The following RNF2 variants were observed in gnomAD, a reference collection of about 807,000 sequenced individuals.
RNF2 encodes the protein ring finger protein 2.
RNF2 carries 6 observed loss-of-function variants against 37.2 expected under a neutral mutation model. That is an observed-to-expected ratio of 0.16 (90% confidence interval 0.09 to 0.32). RNF2 has a LOEUF of 0.32. RNF2 is among the 10% of genes least tolerant of loss of function. The pLI is 1.00. For missense variants in RNF2, 251 were observed against 404.0 expected (o/e 0.62, Z 3.25); for synonymous variants, 133 against 132.7 (o/e 1.00, Z -0.02).
In RNF2 at chr1:185,098,317, T is replaced by C. The variant is rs139147020; in HGVS notation, c.710T>C (p.Met237Thr). 3.7e-5 allele frequency: 60 copies of C among 1,614,162 alleles called. No homozygotes were observed. The highest frequency in any genetic ancestry group is 8.3e-5 in the Admixed American group (5 of 60,028). Residue 237 changes from methionine (M) to threonine (T), a missense_variant, in exon 5 of 7, where the codon ATG (methionine) becomes ACG (threonine). This residue lies in a region of RNF2 where 94 missense variants were observed against 99.2 expected (regional missense o/e 0.95). Coordinates refer to ENST00000367510, the MANE Select transcript of RNF2 (RefSeq NM_007212.4). ...GTATTCAGGCCTCATCCCACACTTA[T>C]GGAAAAAGATGACAGTGCACAGACG... ...ELVFRPHPTL[M>T]EKDDSAQTRY...
At chr1:185,076,458 T>G (rs1651168020) in intron 1 of RNF2, among the ~76,000 whole-genome samples, 1 of 150,952 alleles carries the variant, frequency 6.6e-6, no homozygotes, top group African/African-American at 2.4e-5. Context: ...GCCTGGCTAA[T>G]TTTTTGTATT....
At chr1:185,052,016 A>G (rs182693688) in intron 1 of RNF2, among the ~76,000 whole-genome samples, 4 of 151,806 alleles carry the variant, frequency 2.6e-5, no homozygotes, top group South Asian at 2.1e-4. Context: ...GGAACATTCT[A>G]TTACCCAGGA....
chr1:185,050,689 T>C (rs1453354471), intron 1 of RNF2, among the ~76,000 whole-genome samples: 4 of 152,244 alleles, frequency 2.6e-5, no homozygotes, highest in African/African-American at 9.6e-5. Flanking sequence ...AAAGTGTTAC[T>C]TGATTTTACA....
chr1:185,091,790 GCTTTC>G, intron 3 of RNF2, 51 bp downstream of exon 3: 1 of 1,462,498 alleles, frequency 6.8e-7, no homozygotes, highest in Non-Finnish European at 9.3e-7. Context: ...CCACGAAAGT[GCTTTC>G]CAGGGTTTGA....
chr1:185,084,931 GA>G (rs1490484123), intron 1 of RNF2, among the ~76,000 whole-genome samples: 1 of 152,052 alleles, frequency 6.6e-6, no homozygotes, highest in Non-Finnish European at 1.5e-5. Context: ...CAGAGTACAG[GA>G]ATGAGGGACA....
At chr1:185,070,654 T>C (rs966623332) in intron 1 of RNF2, among the ~76,000 whole-genome samples, 1 of 150,802 alleles carries the variant, frequency 6.6e-6, no homozygotes, top group Non-Finnish European at 1.5e-5. Flanking sequence ...TTTTTTTTTT[T>C]TTGAGACCGA....
chr1:185,045,837 G>T (rs1650097754), intron 1 of RNF2, among the ~76,000 whole-genome samples, 188 bp downstream of exon 1: 1 of 152,176 alleles, frequency 6.6e-6, no homozygotes, highest in South Asian at 2.1e-4. Flanking sequence ...GGCGGGTGAA[G>T]CGGGTTCTCA....
chr1:185,053,995 T>TC (rs575062194), intron 1 of RNF2, among the ~76,000 whole-genome samples: 166 of 151,398 alleles, frequency 1.1e-3, no homozygotes, highest in African/African-American at 3.1e-3. Context: ...TAATCTACAT[T>TC]CCCCCCCCAC....
intron 5 of RNF2, among the ~76,000 whole-genome samples, chr1:185,098,953 T>C (rs1651994244): frequency 6.6e-6 from 1 of 151,856 alleles, no homozygotes; most frequent in African/African-American, 2.4e-5. Context: ...GGTTTCACCA[T>C]GTTGGCCAGG....
chr1:185,087,784 T>G, intron 2 of RNF2, 144 bp downstream of exon 2: 1 of 653,432 alleles, frequency 1.5e-6, no homozygotes, highest in South Asian at 1.9e-5. Context: ...GCTAACACTT[T>G]ATTCATTGAT....
intron 1 of RNF2, among the ~76,000 whole-genome samples, chr1:185,061,440 A>C (rs888163821): frequency 5.9e-5 from 9 of 152,082 alleles, no homozygotes; most frequent in African/African-American, 1.9e-4. Context: ...AACAAAAAAA[A>C]ACACACAAGA....
At chr1:185,065,742 G>A (rs1015034506) in intron 1 of RNF2, among the ~76,000 whole-genome samples, 6 of 152,176 alleles carry the variant, frequency 3.9e-5, no homozygotes, top group African/African-American at 1.2e-4. Context: ...GAAGTTCTGC[G>A]GCTTCGTTCT....
In RNF2 at chr1:185,093,286, A is replaced by G. The variant is rs1309515333; in HGVS notation, c.464+10A>G. ...TACAGGCCATGAACAGGTATATGGG[A>G]AAGAGGGTCAGAGAGGGTAGCTGTT... is the stretch of plus-strand genomic sequence containing the variant. On this transcript the variant is annotated intron_variant, in intron 4 of 6. Coordinates refer to ENST00000367510, the MANE Select transcript of RNF2 (RefSeq NM_007212.4). The G allele has an allele frequency of 6.2e-7, 1 of 1,610,724 alleles. No homozygotes were observed. Among genetic ancestry groups the G allele is most frequent in the Non-Finnish European group, 8.5e-7 (1 of 1,177,548 alleles).
chr1:185,052,989 T>C (rs1650313837), intron 1 of RNF2, among the ~76,000 whole-genome samples: 1 of 152,066 alleles, frequency 6.6e-6, no homozygotes, highest in Non-Finnish European at 1.5e-5. Context: ...CTCTAAGAGG[T>C]GGTATGACAT....
At chr1:185,084,983 C>T (rs1007257272) in intron 1 of RNF2, among the ~76,000 whole-genome samples, 1 of 152,048 alleles carries the variant, frequency 6.6e-6, no homozygotes, top group African/African-American at 2.4e-5. Context: ...TTTTTGCCCA[C>T]ATCGTCTGCT....
intron 1 of RNF2, among the ~76,000 whole-genome samples, chr1:185,068,045 C>T (rs1487405306): frequency 2.6e-5 from 4 of 151,828 alleles, no homozygotes; most frequent in African/African-American, 7.3e-5. Flanking sequence ...GCACTGTTGC[C>T]CACGCTGGAG....
chr1:185,082,657 C>T (rs1488207959), intron 1 of RNF2, among the ~76,000 whole-genome samples: 1 of 152,086 alleles, frequency 6.6e-6, no homozygotes, highest in Non-Finnish European at 1.5e-5. Context: ...ACCCAGCCTG[C>T]AGAACTTCTT....
intron 1 of RNF2, among the ~76,000 whole-genome samples, chr1:185,087,156 C>G (rs924644643): frequency 2.2e-4 from 34 of 152,160 alleles, no homozygotes; most frequent in African/African-American, 7.9e-4. Context: ...GATTTACTTC[C>G]TATCTTAATC....
At chr1:185,092,110 T>C (rs1203070528) in intron 3 of RNF2, 1 of 168,208 alleles carries the variant, frequency 5.9e-6, no homozygotes, top group African/African-American at 2.4e-5. Context: ...ATTACAGACA[T>C]GAGTCACTGC....
Sources: gnomAD v4.1 joint callset for allele counts (sites outside exome capture counted in the v4.1 genomes callset) on GRCh38, gnomAD v4.1.1 for gene constraint, gnomAD v4.1.1 regional missense constraint, MANE v1.5 for transcripts, NCBI Gene and HGNC (gene_info 2026-07-23, HGNC 2026-07-21) for gene names.